RAB12: variants seen among roughly 807,000 people sequenced by gnomAD.
RAB12 encodes the protein RAB12, member RAS oncogene family, also known as ras-related protein Rab-12.
A neutral mutation model predicts 28.4 loss-of-function variants in RAB12; 11 were observed. The ratio of observed to expected loss-of-function variants is 0.39; its 90% confidence interval spans 0.24 to 0.64. The LOEUF (loss-of-function observed/expected upper bound fraction) is 0.64. Ranked by LOEUF, RAB12 falls within the 30% of genes least tolerant of loss-of-function variation. The pLI is 0.50. For synonymous variants in RAB12, 138 were observed against 145.3 expected (o/e 0.95, Z 0.36); for missense variants, 276 against 351.1 (o/e 0.79, Z 1.71).
chr18:8,638,041 C>T (rs774502482), intron 5 of RAB12, 108 bp from the exon 6 acceptor site: 82 of 649,128 alleles, frequency 1.3e-4, no homozygotes, highest in Non-Finnish European at 1.8e-4. Flanking sequence ...TATTGAAAAG[C>T]AGCTGTGTAT....
intron 1 of RAB12, among the ~76,000 whole-genome samples, chr18:8,623,519 A>G (rs954739830): frequency 6.6e-6 from 1 of 152,250 alleles, no homozygotes; most frequent in African/African-American, 2.4e-5. Context: ...ACCAGATAGC[A>G]AATATCTGCG....
intron 2 of RAB12, among the ~76,000 whole-genome samples, chr18:8,632,226 C>T (rs1470397905): frequency 2.7e-5 from 4 of 146,354 alleles, no homozygotes; most frequent in Non-Finnish European, 5.9e-5. Flanking sequence ...TGCAGTGAAC[C>T]AAGATCATGT....
intron 1 of RAB12, among the ~76,000 whole-genome samples, chr18:8,616,271 A>G (rs774673969): frequency 1.3e-5 from 2 of 151,840 alleles, no homozygotes; most frequent in Non-Finnish European, 2.9e-5. Flanking sequence ...TGAGGAAGAC[A>G]TTTATCATCC....
rs534741394 is a variant in RAB12 at position 8,625,913 on chromosome 18, A to G, written c.575+915A>G. Among the ~76,000 whole-genome samples the G allele has an allele frequency of 3.3e-5, 5 of 152,180 alleles. No individual in the cohort carries two copies. The South Asian group carries it at 1.0e-3, about 32-fold the overall frequency. On this transcript the variant is annotated intron_variant, in intron 2 of 5. Coordinates refer to ENST00000649141, the MANE Select transcript of RAB12 (RefSeq NM_001025300.3). ...CACCTAATGCTTGAATGTTAGTGCC[A>G]TGTCTTCATTCTTCATCCGTGTCCC...
rs979211796 is a variant in RAB12 at position 8,639,097 on chromosome 18, T to C, written c.*835T>C. 3.6e-5 allele frequency: 5 copies of C among 139,156 alleles called. No homozygotes were observed. The highest frequency in any genetic ancestry group is 6.1e-5 in the Non-Finnish European group (4 of 65,168). The allele number at this position is 139,156 out of a possible 1,614,324, so 8.6% of individuals were successfully genotyped here. ...CTCTGTACCTTTGTAATGATAAAAC[T>C]TCCCCCTTCTTTACGGTGAAGCTTA... On this transcript the variant is annotated 3_prime_UTR_variant, in exon 6 of 6. Coordinates refer to ENST00000649141, the MANE Select transcript of RAB12 (RefSeq NM_001025300.3).
intron 1 of RAB12, among the ~76,000 whole-genome samples, chr18:8,616,143 A>G (rs1395655122): frequency 1.3e-5 from 2 of 152,152 alleles, no homozygotes; most frequent in Non-Finnish European, 2.9e-5. Flanking sequence ...ATAAGACACC[A>G]TCCTGCTCGA....
chr18:8,614,159 A>G (rs321660), intron 1 of RAB12, among the ~76,000 whole-genome samples: 104,718 of 152,028 alleles, frequency 0.69, 36,716 homozygotes, highest in African/African-American at 0.79. Flanking sequence ...CCCTTTCCTC[A>G]TTTTAGAATT....
intron 1 of RAB12, among the ~76,000 whole-genome samples, chr18:8,615,126 G>A (rs1567892445): frequency 6.6e-6 from 1 of 152,174 alleles, no homozygotes; most frequent in Non-Finnish European, 1.5e-5. Context: ...AGGGTAGTGC[G>A]AGTGACTCCG....
intron 1 of RAB12, among the ~76,000 whole-genome samples, chr18:8,624,335 C>T (rs1402766949): frequency 6.6e-6 from 1 of 152,156 alleles, no homozygotes; most frequent in Non-Finnish European, 1.5e-5. Context: ...AGGAAATATA[C>T]ATGATGGTTT....
In RAB12 at chr18:8,638,264, T is replaced by A; in HGVS notation, c.*2T>A. ...AGACCACATGTCCGATGCTGTTGATTTCCTACTTTGGAGACAAAGTGGAAA... is the reference window on the plus strand; with the variant it reads ...AGACCACATGTCCGATGCTGTTGATATCCTACTTTGGAGACAAAGTGGAAA... On this transcript the variant is annotated 3_prime_UTR_variant, in exon 6 of 6. Transcript: ENST00000649141. The A allele has an allele frequency of 6.2e-7, 1 of 1,604,044 alleles. No individual in the cohort carries two copies. The highest frequency in any genetic ancestry group is 1.1e-5 in the South Asian group (1 of 90,776).
intron 2 of RAB12, among the ~76,000 whole-genome samples, chr18:8,628,161 A>G (rs2148710081): frequency 6.6e-6 from 1 of 152,328 alleles, no homozygotes; most frequent in South Asian, 2.1e-4. Flanking sequence ...AGAGGGAAAT[A>G]TTAGGATTCT....
At chr18:8,623,169 A>G (rs1233125243) in intron 1 of RAB12, among the ~76,000 whole-genome samples, 1 of 152,248 alleles carries the variant, frequency 6.6e-6, no homozygotes, top group Non-Finnish European at 1.5e-5. Context: ...CAGGCATAGG[A>G]AATCACAAGG....
chr18:8,634,260 T>C (rs2096017605), intron 3 of RAB12, among the ~76,000 whole-genome samples: 1 of 91,640 alleles, frequency 1.1e-5, no homozygotes, highest in African/African-American at 3.2e-5. Context: ...GGCAACATAG[T>C]GGGACTCCAT....
intron 1 of RAB12, among the ~76,000 whole-genome samples, chr18:8,617,145 A>G (rs2096007136): frequency 6.6e-6 from 1 of 152,220 alleles, no homozygotes; most frequent in African/African-American, 2.4e-5. Flanking sequence ...CACATCTCAC[A>G]GTATAGGCAT....
In RAB12 at chr18:8,609,705, C is replaced by G. The variant is rs2096002576; in HGVS notation, c.266C>G (p.Ala89Gly). 9.8e-7 allele frequency: 1 copy of G among 1,019,594 alleles called. No individual in the cohort carries two copies. The highest frequency in any genetic ancestry group is 1.7e-5 in the African/African-American group (1 of 57,582). 63.2% of individuals were successfully genotyped at this position (1,019,594 alleles called of 1,614,324 possible). A position where few individuals can be genotyped will look rare whatever the true frequency, so the allele number is the denominator to read the frequency against. ...GGGGCGGGCGGCGGCGGGCGGCGGG[C>G]CGAGCGGGAGCCGCATGCGTGTATG... is the stretch of plus-strand genomic sequence containing the variant. ...SRGAGGGGRR[A>G]EREPHACMDP... The change falls in exon 1 of 6, where the codon GCC becomes GGC. Residue 89 changes from alanine to glycine, a missense_variant. This residue lies in a region of RAB12 where 72 missense variants were observed against 55.5 expected (regional missense o/e 1.30). Coordinates refer to ENST00000649141, the MANE Select transcript of RAB12 (RefSeq NM_001025300.3).
chr18:8,629,237 C>G (rs1420264603), intron 2 of RAB12, among the ~76,000 whole-genome samples: 2 of 152,166 alleles, frequency 1.3e-5, no homozygotes, highest in Non-Finnish European at 2.9e-5. Flanking sequence ...AAGTATACCC[C>G]TAAATGCCTA....
Position 8,639,279 on chromosome 18 carries a change from T to C in RAB12, c.*1017T>C, listed in dbSNP as rs1326766513. On this transcript the variant is annotated 3_prime_UTR_variant, in exon 6 of 6. Coordinates refer to ENST00000649141, the MANE Select transcript of RAB12 (RefSeq NM_001025300.3). The stretch of plus-strand genomic sequence containing the variant: ...TGTTTAGTCAAGGTAATTAAGTAAT[T>C]ATGTATTTGAATAACTTGGTGTGTC... The C allele has an allele frequency of 6.6e-6, 1 of 151,578 alleles. No homozygotes were observed. The highest frequency in any genetic ancestry group is 1.9e-4 in the East Asian group (1 of 5,154). 9.4% of individuals were successfully genotyped at this position (151,578 alleles called of 1,614,324 possible).
intron 2 of RAB12, among the ~76,000 whole-genome samples, chr18:8,631,693 G>C (rs767980648): frequency 1.3e-5 from 2 of 152,014 alleles, no homozygotes; most frequent in Non-Finnish European, 2.9e-5. Flanking sequence ...TTTTGTAAGG[G>C]GAAGAAATAT....
intron 1 of RAB12, among the ~76,000 whole-genome samples, chr18:8,618,932 CT>C (rs2096008249): frequency 6.6e-6 from 1 of 152,176 alleles, no homozygotes. Flanking sequence ...CTAGATTTGC[CT>C]CTCTCTGTAA....
Sources: gnomAD v4.1 joint callset for allele counts (sites outside exome capture counted in the v4.1 genomes callset) on GRCh38, gnomAD v4.1.1 for gene constraint, gnomAD v4.1.1 regional missense constraint, MANE v1.5 for transcripts, NCBI Gene and HGNC (gene_info 2026-07-23, HGNC 2026-07-21) for gene names.